SLC12A4: variants seen among roughly 807,000 people sequenced by gnomAD.
SLC12A4 encodes the protein solute carrier family 12 member 4.
Under a neutral mutation model 119.2 loss-of-function variants are expected in SLC12A4, and 84 were observed. The ratio of observed to expected loss-of-function variants is 0.70; its 90% confidence interval spans 0.59 to 0.85. The LOEUF (loss-of-function observed/expected upper bound fraction) is 0.85. SLC12A4 is among the 40% of genes least tolerant of loss of function. The pLI is 0.00. For synonymous variants in SLC12A4, 599 were observed against 604.6 expected (o/e 0.99, Z 0.14); for missense variants, 1,298 against 1,476.3 (o/e 0.88, Z 1.98).
At position 67,949,762 on chromosome 16, in the gene SLC12A4, CT is replaced by C; in HGVS notation, c.1748+37del. On this transcript the variant is annotated intron_variant, in intron 13 of 23. Transcript: ENST00000316341. This position sits in a 1 kb window ranked among gnomAD's most constrained non-coding sequence, Gnocchi z 4.6. ...GGGGAGGTGCTGGGGTTCAGGAAGC[CT>C]TTCCCCATCCCCCTGCCCTGCCCGG... 1 of 1,438,868 alleles carries C rather than the reference CT, an allele frequency of 6.9e-7. No homozygotes were observed. The highest frequency in any genetic ancestry group is 9.6e-7 in the Non-Finnish European group (1 of 1,039,906). 89.1% of individuals were successfully genotyped at this position (1,438,868 alleles called of 1,614,324 possible).
In SLC12A4 at chr16:67,946,189, G is replaced by T; in HGVS notation, c.2589C>A (p.Phe863Leu). The T allele has an allele frequency of 6.2e-7, 1 of 1,613,934 alleles. No homozygotes were observed. Among genetic ancestry groups the T allele is most frequent in the Non-Finnish European group, 8.5e-7 (1 of 1,180,028 alleles). Residue 863 changes from phenylalanine to leucine, a missense_variant, in exon 19 of 24, where the codon TTC becomes TTA. Coordinates refer to ENST00000316341, the MANE Select transcript of SLC12A4 (RefSeq NM_005072.5). ...HDGGMLMLLP[F>L]LLRQHKVWRK... ...GGTCTACCTTATGCTGGCGCAGCAGGAAGGGCAGAAGCATGAGCATGCCAC... is the reference window on the plus strand; with the variant it reads ...GGTCTACCTTATGCTGGCGCAGCAGTAAGGGCAGAAGCATGAGCATGCCAC...
At chr16:67,968,134 C>T (rs986035395) in intron 1 of SLC12A4, among the ~76,000 whole-genome samples, 2 of 152,114 alleles carry the variant, frequency 1.3e-5, no homozygotes, top group African/African-American at 4.8e-5. Context: ...CGGCCCTGTC[C>T]CCAAGCCGGG....
chr16:67,956,483 C>G (rs1598223058), intron 5 of SLC12A4, among the ~76,000 whole-genome samples: 1 of 151,968 alleles, frequency 6.6e-6, no homozygotes, highest in Non-Finnish European at 1.5e-5. Context: ...GTCAAGAGTT[C>G]GAAACCATCC....
intron 1 of SLC12A4, among the ~76,000 whole-genome samples, chr16:67,966,406 C>A (rs1263976107): frequency 6.6e-6 from 1 of 152,260 alleles, no homozygotes; most frequent in African/African-American, 2.4e-5. Flanking sequence ...GCTCAGACAC[C>A]ACCTGAGATC....
rs2151328649 is a variant in SLC12A4 at position 67,950,898 on chromosome 16, A to G, written c.1396+64T>C. ...GGGGTGTCTGTGCATGTGACCTGGCAACGTACACAGGCCAAGCGCTTCCCG... is the reference window on the plus strand; with the variant it reads ...GGGGTGTCTGTGCATGTGACCTGGCGACGTACACAGGCCAAGCGCTTCCCG... On this transcript the variant is annotated intron_variant, in intron 10 of 23. Coordinates refer to ENST00000316341, the MANE Select transcript of SLC12A4 (RefSeq NM_005072.5). This position sits in a 1 kb window ranked among gnomAD's most constrained non-coding sequence, Gnocchi z 4.3. 6.4e-7 allele frequency: 1 copy of G among 1,552,048 alleles called. No individual in the cohort carries two copies. Among genetic ancestry groups the G allele is most frequent in the South Asian group, 1.1e-5 (1 of 88,956 alleles).
chr16:67,962,239 C>T (rs1455038940), intron 2 of SLC12A4: 3 of 152,622 alleles, frequency 2.0e-5, no homozygotes, highest in South Asian at 2.1e-4. Context: ...CCTGCAAGTA[C>T]CCACATCAAT....
chr16:67,949,754 C>T lies in SLC12A4; in HGVS notation c.1748+46G>A, dbSNP rs761027582. ...GCAGCCACGGGGAGGTGCTGGGGTT[C>T]AGGAAGCCTTTCCCCATCCCCCTGC... On this transcript the variant is annotated intron_variant, in intron 13 of 23. Transcript: ENST00000316341. This position sits in a 1 kb window ranked among gnomAD's most constrained non-coding sequence, Gnocchi z 4.6. 12 of 1,341,734 alleles carry T rather than the reference C, an allele frequency of 8.9e-6. No homozygotes were observed. Among genetic ancestry groups the T allele is most frequent in the Non-Finnish European group, 1.3e-5 (12 of 954,508 alleles). The allele number at this position is 1,341,734 out of a possible 1,614,324, so 83.1% of individuals were successfully genotyped here. A position where few individuals can be genotyped will look rare whatever the true frequency, so the allele number is the denominator to read the frequency against.
chr16:67,961,790 G>A, intron 2 of SLC12A4, 84 bp from the exon 3 acceptor site: 3 of 1,560,330 alleles, frequency 1.9e-6, no homozygotes, highest in Non-Finnish European at 1.8e-6. Context: ...CCCTGGCCCT[G>A]TTCCAAGCCC....
Position 67,947,435 on chromosome 16 carries a change from C to T in SLC12A4, c.1968G>A (p.Gly656=). Residue 656 remains glycine (G), a splice_region_variant and synonymous_variant, in exon 16 of 24, where the codon GGG becomes GGA. Transcript: ENST00000316341. Reference sequence around the variant, plus strand: ...TCCCGTCACCCCACTCCTTCTCAGCCCTGCAGATTCCACCACAGCTGGTGA... The same window carrying T: ...TCCCGTCACCCCACTCCTTCTCAGCTCTGCAGATTCCACCACAGCTGGTGA... The part of the protein sequence containing the change: ...GMIYKYIEYQ[G]AEKEWGDGIR... The T allele has an allele frequency of 1.9e-6, 3 of 1,611,546 alleles. No individual in the cohort carries two copies. The highest frequency in any genetic ancestry group is 2.5e-6 in the Non-Finnish European group (3 of 1,179,276).
chr16:67,967,933 T>C (rs1220391274), intron 1 of SLC12A4, among the ~76,000 whole-genome samples: 4 of 152,062 alleles, frequency 2.6e-5, no homozygotes, highest in African/African-American at 9.7e-5. Context: ...CAGTTACCCA[T>C]AGACCCCCCA....
At chr16:67,961,509 A>G in intron 3 of SLC12A4, 66 bp downstream of exon 3, 1 of 1,577,918 alleles carries the variant, frequency 6.3e-7, no homozygotes, top group South Asian at 1.1e-5. Flanking sequence ...GTGGGGAAAC[A>G]GTCAATTCCA....
At chr16:67,964,075 G>T (rs1451396298) in intron 1 of SLC12A4, 6 of 1,538,082 alleles carry the variant, frequency 3.9e-6, no homozygotes, top group South Asian at 1.2e-5. Flanking sequence ...TGCGCGGGGG[G>T]CGTCCTGCAG....
rs1356010082 is a variant in SLC12A4 at position 67,964,208 on chromosome 16, A to C, written c.116-649T>G. ...CGGGTGGGTGTCGGACTGAGCAGGGAGAAAAATGGGAGCTGGGACTGCTGG... is the reference window on the plus strand; with the variant it reads ...CGGGTGGGTGTCGGACTGAGCAGGGCGAAAAATGGGAGCTGGGACTGCTGG... On this transcript the variant is annotated intron_variant, in intron 1 of 23. Coordinates refer to ENST00000316341, the MANE Select transcript of SLC12A4 (RefSeq NM_005072.5). The C allele has an allele frequency of 3.0e-6, 3 of 1,008,658 alleles. No individual in the cohort carries two copies. In the Admixed American group the frequency reaches 8.8e-5, roughly 29 times the overall value. 62.5% of individuals were successfully genotyped at this position (1,008,658 alleles called of 1,614,324 possible). A position where few individuals can be genotyped will look rare whatever the true frequency, so the allele number is the denominator to read the frequency against.
At chr16:67,957,854 C>T (rs761774138) in intron 4 of SLC12A4, 44 bp downstream of exon 4, 19 of 1,613,938 alleles carry the variant, frequency 1.2e-5, no homozygotes, top group South Asian at 3.3e-5. Context: ...TGGGGGCAGC[C>T]GTGGCCCATG....
rs759320093 is a variant in SLC12A4, at chr16:67,952,140, A to AG, written c.917+43dup. 4 of 1,611,788 alleles carry AG rather than the reference A, an allele frequency of 2.5e-6. No homozygotes were observed. In the Admixed American group the frequency reaches 6.7e-5, roughly 27 times the overall value. On this transcript the variant is annotated intron_variant, in intron 7 of 23. Transcript: ENST00000316341. ...GGGCATCAAAGGCTGGCTACATGGG[A>AG]GGGATGTCCATGCAATGCCCAGATA...
chr16:67,949,722 ACCAGACGCAG>A lies in SLC12A4; in HGVS notation c.1748+68_1748+77del, dbSNP rs1281381062. On this transcript the variant is annotated intron_variant, in intron 13 of 23. Transcript: ENST00000316341. The surrounding 1 kb of genome is among the most constrained non-coding windows in gnomAD (Gnocchi z 4.6). Reference sequence around the variant, plus strand: ...CACATCTCCCAGCTGGACCTCCAACACCAGACGCAGCCACGGGGAGGTGCTGGGGTTCAGG... The same window carrying A: ...CACATCTCCCAGCTGGACCTCCAACACCACGGGGAGGTGCTGGGGTTCAGG... 6.1e-6 allele frequency: 6 copies of A among 989,524 alleles called. No individual in the cohort carries two copies. Among genetic ancestry groups the A allele is most frequent in the Non-Finnish European group, 9.1e-6 (6 of 656,180 alleles). 61.3% of individuals were successfully genotyped at this position (989,524 alleles called of 1,614,324 possible).
chr16:67,948,123 G>A lies in SLC12A4; in HGVS notation c.1785C>T (p.Ala595=), dbSNP rs1417216536. 1.2e-6 allele frequency: 2 copies of A among 1,613,160 alleles called. No homozygotes were observed. Among genetic ancestry groups the A allele is most frequent in the Non-Finnish European group, 1.7e-6 (2 of 1,180,024 alleles). ...TCCTCAGGAGTGTCTGCACCGCACA[G>A]GCGAGGTTCACGAACAGGTAGCACA... The part of the protein sequence containing the change: ...FLMCYLFVNL[A]CAVQTLLRTP... Residue 595 remains alanine, a synonymous_variant, in exon 14 of 24, where the codon GCC becomes GCT. Coordinates refer to ENST00000316341, the MANE Select transcript of SLC12A4 (RefSeq NM_005072.5).
chr16:67,962,256 G>T (rs1598230298), intron 2 of SLC12A4: 2 of 152,502 alleles, frequency 1.3e-5, no homozygotes, highest in African/African-American at 4.8e-5. Flanking sequence ...CAATCGCGGA[G>T]ATGGGATCCT....
chr16:67,950,079 C>T lies in SLC12A4; in HGVS notation c.1630-161G>A. 1.4e-6 allele frequency: 1 copy of T among 693,786 alleles called. No individual in the cohort carries two copies. Among genetic ancestry groups the T allele is most frequent in the East Asian group, 2.7e-5 (1 of 36,966 alleles). The allele number at this position is 693,786 out of a possible 1,614,324, so 43.0% of individuals were successfully genotyped here. The stretch of plus-strand genomic sequence containing the variant: ...GTCACCAGTCTCCCTGATTCCACCT[C>T]ACCAGGCCTCTCTCCTTTGGATGAG... On this transcript the variant is annotated intron_variant, in intron 12 of 23. Transcript: ENST00000316341. The surrounding 1 kb of genome is among the most constrained non-coding windows in gnomAD (Gnocchi z 4.3).
Sources: gnomAD v4.1 joint callset for allele counts (sites outside exome capture counted in the v4.1 genomes callset) on GRCh38, gnomAD v4.1.1 for gene constraint, Gnocchi (gnomAD v3.1) non-coding constraint, MANE v1.5 for transcripts, NCBI Gene and HGNC (gene_info 2026-07-23, HGNC 2026-07-21) for gene names.